Variants in HECTD4 observed in about 807,000 individuals in gnomAD.
The protein encoded by HECTD4 is probable E3 ubiquitin-protein ligase HECTD4.
In HECTD4, 114 loss-of-function variants were observed where a neutral mutation model predicts 471.5. The ratio of observed to expected loss-of-function variants is 0.24; its 90% CI spans 0.21 to 0.28. The LOEUF (loss-of-function observed/expected upper bound fraction) is 0.28. HECTD4 is among the 10% of genes least tolerant of loss of function. The pLI is 1.00. For synonymous variants in HECTD4, 2,012 were observed against 2,256.0 expected (o/e 0.89, Z 3.07); for missense variants, 3,866 against 5,651.5 (o/e 0.68, Z 10.13).
At chr12:112,252,690 A>ATT in intron 22 of HECTD4, 162 bp from the exon 23 acceptor site, 1 of 821,760 alleles carries the variant, frequency 1.2e-6, no homozygotes, top group Non-Finnish European at 1.9e-6. Context: ...TCTCATTTAG[A>ATT]CAACCAGTCC....
intron 49 of HECTD4, 115 bp from the exon 50 acceptor site, chr12:112,210,367 G>T: frequency 9.2e-7 from 1 of 1,082,566 alleles, no homozygotes; most frequent in Non-Finnish European, 1.4e-6. Context: ...CGAGGTGTGT[G>T]CTGGCATGAG....
rs1374342139 is a variant in HECTD4, at chr12:112,188,055, G to C, written c.9473-2562C>G. Reference sequence around the variant, plus strand: ...TAATCCCAGTACTATGGGAGGCCAAGGCAGGTGGGTCACCTGAGGTCAGGA... The same window carrying C: ...TAATCCCAGTACTATGGGAGGCCAACGCAGGTGGGTCACCTGAGGTCAGGA... On this transcript the variant is annotated intron_variant, in intron 60 of 75. Transcript: ENST00000682272. The surrounding 1 kb of genome is among the most constrained non-coding windows in gnomAD (Gnocchi z 4.2). Among the ~76,000 whole-genome samples, 2 of 152,164 alleles carry C rather than the reference G, an allele frequency of 1.3e-5. No individual in the cohort carries two copies. Among genetic ancestry groups the C allele is most frequent in the Non-Finnish European group, 2.9e-5 (2 of 68,026 alleles).
intron 43 of HECTD4, among the ~76,000 whole-genome samples, chr12:112,227,520 T>TA (rs1441536022): frequency 6.6e-6 from 1 of 152,198 alleles, no homozygotes; most frequent in Non-Finnish European, 1.5e-5. Flanking sequence ...TAACGCTAAA[T>TA]AAATGTATTT....
rs748066013 is a variant in HECTD4 at position 112,179,208 on chromosome 12, G to A, written c.11177C>T (p.Pro3726Leu). The change falls in exon 63 of 76, where the codon CCG (proline) becomes CTG (leucine). Residue 3726 changes from proline to leucine, a missense_variant. Physicochemically the swap from Pro to Leu is moderately conservative, Grantham distance 98 (BLOSUM62 -3). Coordinates refer to ENST00000682272, the MANE Select transcript of HECTD4 (RefSeq NM_001388303.1). The surrounding 1 kb of genome is among the most constrained non-coding windows in gnomAD (Gnocchi z 4.3). ...LLHLFFTNVR[P>L]PKKVLEDQLT... The stretch of plus-strand genomic sequence containing the variant: ...CTGATCCTCCAGCACCTTTTTTGGC[G>A]GCCGGACATTGGTGAAGAAGAGGTG... 1.7e-5 allele frequency: 27 copies of A among 1,613,720 alleles called. No individual in the cohort carries two copies. The highest frequency in any genetic ancestry group is 5.3e-5 in the African/African-American group (4 of 74,930).
intron 10 of HECTD4, 96 bp from the exon 11 acceptor site, chr12:112,273,891 G>A: frequency 7.1e-7 from 1 of 1,418,112 alleles, no homozygotes; most frequent in South Asian, 1.3e-5. Flanking sequence ...GGGCAAGGAT[G>A]CTCTCTAATG....
chr12:112,322,317 G>C (rs1938485439), intron 1 of HECTD4: 1 of 152,006 alleles, frequency 6.6e-6, no homozygotes, highest in Non-Finnish European at 1.5e-5. Flanking sequence ...GCTGCAGTGA[G>C]TTATGATGGC....
chr12:112,203,443 C>A, intron 54 of HECTD4, 193 bp downstream of exon 54: 1 of 484,918 alleles, frequency 2.1e-6, no homozygotes, highest in Non-Finnish European at 3.6e-6. Flanking sequence ...CATCTACTGC[C>A]AGCCCTGATC....
In HECTD4 at chr12:112,170,443, A is replaced by G. The variant is rs766195470; in HGVS notation, c.11942T>C (p.Phe3981Ser). 1 of 1,613,846 alleles carries G rather than the reference A, an allele frequency of 6.2e-7. No individual in the cohort carries two copies. The highest frequency in any genetic ancestry group is 8.5e-7 in the Non-Finnish European group (1 of 1,179,862). ...ALLKEAKGLIFYDTKVTVMNR... is the reference protein window; with the variant it reads ...ALLKEAKGLISYDTKVTVMNR... ...CATCACGGTCACCTTCGTGTCATAG[A>G]AGATCAGCCCTAAGGAGAGGAACGT... The change falls in exon 69 of 76, where the codon TTC (phenylalanine) becomes TCC (serine). Residue 3981 changes from phenylalanine to serine, a missense_variant. Around this residue, in one of 16 missense-constraint regions of HECTD4, gnomAD observed 715 missense variants for 1,087.6 expected, o/e 0.66. Coordinates refer to ENST00000682272, the MANE Select transcript of HECTD4 (RefSeq NM_001388303.1).
chr12:112,192,808 A>C, intron 58 of HECTD4, 43 bp from the exon 59 acceptor site: 1 of 1,484,008 alleles, frequency 6.7e-7, no homozygotes, highest in Admixed American at 2.0e-5. Flanking sequence ...GGGTCTAGCC[A>C]TGCACATGGG....
chr12:112,343,795 C>T (rs1266921720), intron 1 of HECTD4, among the ~76,000 whole-genome samples: 1 of 151,832 alleles, frequency 6.6e-6, no homozygotes, highest in Non-Finnish European at 1.5e-5. Flanking sequence ...AAAGTGAAAT[C>T]AACCTAAAAT....
chr12:112,172,237 G>T (rs1177825456), intron 67 of HECTD4, among the ~76,000 whole-genome samples: 1 of 152,212 alleles, frequency 6.6e-6, no homozygotes, highest in South Asian at 2.1e-4. Context: ...AAACACAGGG[G>T]CACCTGAATG....
chr12:112,336,201 A>G (rs1417964346), intron 1 of HECTD4, among the ~76,000 whole-genome samples: 1 of 152,196 alleles, frequency 6.6e-6, no homozygotes, highest in African/African-American at 2.4e-5. Flanking sequence ...CAAGGCAGAA[A>G]GTTTGTGTGT....
rs367634609 is a variant in HECTD4, at chr12:112,172,889, C to T, written c.11595-28G>A. ...TGGGGTGGGGACAGGGGGAGAGGGG[C>T]AAAGTGAGGCAGGGCACACCGGGAT... On this transcript the variant is annotated intron_variant, in intron 66 of 75. Transcript: ENST00000682272. 89 of 1,597,478 alleles carry T rather than the reference C, an allele frequency of 5.6e-5. No homozygotes were observed. In the African/African-American group the frequency reaches 1.1e-3, roughly 20 times the overall value.
chr12:112,204,350 G>A (rs921224304), intron 53 of HECTD4, 136 bp downstream of exon 53: 1 of 834,878 alleles, frequency 1.2e-6, no homozygotes, highest in South Asian at 1.7e-5. Flanking sequence ...ACATGGGGCG[G>A]TGTGGAAGAG....
At chr12:112,288,352 G>T (rs889878336) in intron 7 of HECTD4, among the ~76,000 whole-genome samples, 3 of 151,402 alleles carry the variant, frequency 2.0e-5, no homozygotes, top group African/African-American at 2.4e-5. Context: ...GCAAGGGGCA[G>T]TGGCTCATGC....
At chr12:112,353,293 A>G (rs537071921) in intron 1 of HECTD4, among the ~76,000 whole-genome samples, 28 of 152,322 alleles carry the variant, frequency 1.8e-4, no homozygotes, top group African/African-American at 6.5e-4. Context: ...CTTTCTAAGT[A>G]TCTTTCTAGG....
intron 4 of HECTD4, among the ~76,000 whole-genome samples, chr12:112,310,990 A>G (rs1368308681): frequency 6.6e-6 from 1 of 152,144 alleles, no homozygotes; most frequent in Non-Finnish European, 1.5e-5. Flanking sequence ...GGCCAGGCAC[A>G]GTGGCTCATG....
At chr12:112,214,664 C>A (rs2032862859) in intron 48 of HECTD4, among the ~76,000 whole-genome samples, 1 of 152,166 alleles carries the variant, frequency 6.6e-6, no homozygotes, top group South Asian at 2.1e-4. Context: ...AATACAGCAA[C>A]AAGGAAATAA....
intron 1 of HECTD4, among the ~76,000 whole-genome samples, chr12:112,351,755 T>C (rs1473435824): frequency 6.6e-6 from 1 of 152,200 alleles, no homozygotes; most frequent in Non-Finnish European, 1.5e-5. Context: ...CTGACTGACA[T>C]AAAGATTTTA....
Sources: allele counts gnomAD v4.1 joint callset (sites outside exome capture counted in the v4.1 genomes callset), GRCh38; gene constraint gnomAD v4.1.1; regional missense constraint gnomAD v4.1.1; non-coding constraint Gnocchi (gnomAD v3.1); transcripts MANE v1.5; gene names NCBI Gene and HGNC (gene_info 2026-07-23, HGNC 2026-07-21).